The following XKR6 variants were observed in gnomAD, a reference collection of about 807,000 sequenced individuals.
XKR6 encodes XK-related protein 6.
A neutral mutation model predicts 56.7 loss-of-function variants in XKR6; 22 were observed. The observed-to-expected ratio is 0.39, with a 90% CI of 0.28 to 0.55. The LOEUF (loss-of-function observed/expected upper bound fraction) is 0.55, where lower values mean the gene tolerates loss of function less well. XKR6 is among the 20% of genes least tolerant of loss of function. The pLI is 0.66. For synonymous variants in XKR6, 524 were observed against 387.8 expected (o/e 1.35, Z -4.13); for missense variants, 852 against 889.0 (o/e 0.96, Z 0.53).
intron 1 of XKR6, among the ~76,000 whole-genome samples, chr8:11,148,839 T>C (rs1179606631): frequency 6.6e-6 from 1 of 151,982 alleles, no homozygotes; most frequent in Non-Finnish European, 1.5e-5. Context: ...TTCTGACCAA[T>C]AAAAAGGAAA....
chr8:11,025,934 A>G lies in XKR6; in HGVS notation c.765-101104T>C, dbSNP rs542896754. 3.9e-5 allele frequency among the ~76,000 whole-genome samples: 6 copies of G among 152,306 alleles called. No homozygotes were observed. The South Asian group carries it at 1.0e-3, about 26-fold the overall frequency. ...AAATGTGCTGTTAAATACACATGAG[A>G]TATCAAAGACCAGATATCAAAGAAT... On this transcript the variant is annotated intron_variant, in intron 1 of 2. Transcript: ENST00000416569.
intron 1 of XKR6, chr8:11,107,642 A>C (rs890669809): frequency 1.3e-5 from 2 of 152,562 alleles, no homozygotes; most frequent in African/African-American, 2.4e-5. Flanking sequence ...ACAGTGAGGC[A>C]CATGTTGTAA....
intron 1 of XKR6, among the ~76,000 whole-genome samples, chr8:10,946,259 C>T (rs537850327): frequency 1.6e-4 from 24 of 152,124 alleles, no homozygotes; most frequent in African/African-American, 5.1e-4. Context: ...CACGAATAGC[C>T]GATCCAAGCA....
At chr8:10,983,053 A>G (rs1273374490) in intron 1 of XKR6, among the ~76,000 whole-genome samples, 1 of 152,256 alleles carries the variant, frequency 6.6e-6, no homozygotes, top group Non-Finnish European at 1.5e-5. Flanking sequence ...ATATATGAAA[A>G]CATCTTGCAA....
At chr8:11,100,942 G>T (rs1333028489) in intron 1 of XKR6, among the ~76,000 whole-genome samples, 1 of 152,190 alleles carries the variant, frequency 6.6e-6, no homozygotes, top group Non-Finnish European at 1.5e-5. Flanking sequence ...TGGTGCCGGA[G>T]GAAGTGGTTA....
chr8:11,145,227 T>G (rs978547319), intron 1 of XKR6, among the ~76,000 whole-genome samples: 7 of 151,940 alleles, frequency 4.6e-5, no homozygotes, highest in African/African-American at 1.7e-4. Flanking sequence ...CATGCTCAAC[T>G]GGTAAGCATG....
chr8:11,046,510 C>T (rs568976952), intron 1 of XKR6, among the ~76,000 whole-genome samples: 1 of 152,254 alleles, frequency 6.6e-6, no homozygotes, highest in Non-Finnish European at 1.5e-5. Flanking sequence ...CAACATTATT[C>T]ACAGTAGCCA....
At chr8:11,198,792 G>A (rs1327983851) in intron 1 of XKR6, among the ~76,000 whole-genome samples, 1 of 152,046 alleles carries the variant, frequency 6.6e-6, no homozygotes, top group Non-Finnish European at 1.5e-5. Context: ...TTGTTCAGCA[G>A]AAGCCTACCA....
At chr8:11,137,583 T>C (rs1009270256) in intron 1 of XKR6, 1 of 456,138 alleles carries the variant, frequency 2.2e-6, no homozygotes, top group Non-Finnish European at 4.4e-6. Flanking sequence ...CAGGGAGAAG[T>C]TCTCTTTAGA....
At chr8:11,105,325 A>C (rs1315929563) in intron 1 of XKR6, 1 of 152,224 alleles carries the variant, frequency 6.6e-6, no homozygotes, top group Non-Finnish European at 1.5e-5. Flanking sequence ...TTTAAGGAAC[A>C]ATTTAAGGCT....
intron 1 of XKR6, among the ~76,000 whole-genome samples, chr8:10,944,141 G>A (rs1284189651): frequency 6.6e-6 from 1 of 152,148 alleles, no homozygotes; most frequent in African/African-American, 2.4e-5. Flanking sequence ...TCCAATCAGA[G>A]TGCACTAAAC....
intron 1 of XKR6, among the ~76,000 whole-genome samples, chr8:11,133,573 A>C (rs567345641): frequency 6.6e-6 from 1 of 151,642 alleles, no homozygotes; most frequent in South Asian, 2.1e-4. Flanking sequence ...AAAAGGAATA[A>C]ATGCTAACAC....
At chr8:11,148,077 G>C (rs1265925673) in intron 1 of XKR6, among the ~76,000 whole-genome samples, 1 of 152,078 alleles carries the variant, frequency 6.6e-6, no homozygotes, top group Non-Finnish European at 1.5e-5. Flanking sequence ...GGGCGTGGTG[G>C]CATGCACCTG....
chr8:11,169,111 C>T (rs1304132878), intron 1 of XKR6, among the ~76,000 whole-genome samples: 2 of 152,192 alleles, frequency 1.3e-5, no homozygotes, highest in Non-Finnish European at 2.9e-5. Context: ...TTCTCCAAGA[C>T]CAGTCAGCAC....
At chr8:10,963,736 C>A (rs768584184) in intron 1 of XKR6, among the ~76,000 whole-genome samples, 6 of 152,004 alleles carry the variant, frequency 3.9e-5, no homozygotes, top group Non-Finnish European at 5.9e-5. Context: ...TAGAGACAGG[C>A]TCTTCCTATG....
At chr8:10,915,913 G>A (rs1270676679) in intron 2 of XKR6, among the ~76,000 whole-genome samples, 2 of 152,172 alleles carry the variant, frequency 1.3e-5, no homozygotes, top group African/African-American at 2.4e-5. Flanking sequence ...CAGAGAACGG[G>A]GTCAAGAGGG....
intron 1 of XKR6, among the ~76,000 whole-genome samples, chr8:11,195,511 T>C (rs1419811319): frequency 6.6e-6 from 1 of 152,244 alleles, no homozygotes; most frequent in Non-Finnish European, 1.5e-5. Context: ...GGTCTAATTA[T>C]TGACACATTA....
At chr8:11,002,928 G>A (rs1435628772) in intron 1 of XKR6, among the ~76,000 whole-genome samples, 1 of 152,150 alleles carries the variant, frequency 6.6e-6, no homozygotes, top group African/African-American at 2.4e-5. Flanking sequence ...TGTTGAATCA[G>A]ATGTTGGATA....
chr8:11,025,666 A>G (rs963920664), intron 1 of XKR6, among the ~76,000 whole-genome samples: 4 of 152,226 alleles, frequency 2.6e-5, no homozygotes, highest in African/African-American at 9.6e-5. Flanking sequence ...TGAATTCATG[A>G]GTTACGATTT....
Sources: gnomAD v4.1 joint callset for allele counts (sites outside exome capture counted in the v4.1 genomes callset) on GRCh38, gnomAD v4.1.1 for gene constraint, MANE v1.5 for transcripts, NCBI Gene and HGNC (gene_info 2026-07-23, HGNC 2026-07-21) for gene names.